The following SARDH variants were observed in gnomAD, a reference collection of about 807,000 sequenced individuals.
SARDH encodes the protein sarcosine dehydrogenase.
A neutral mutation model predicts 109.1 loss-of-function variants in SARDH; 95 were observed. The observed-to-expected ratio is 0.87, with a 90% confidence interval of 0.74 to 1.03. The LOEUF is 1.03. Ranked by LOEUF, SARDH falls within the 50% of genes least tolerant of loss-of-function variation. The pLI is 0.00. For missense variants in SARDH, 1,267 were observed against 1,287.8 expected, an observed-to-expected ratio of 0.98 and a Z score of 0.25; for synonymous variants, 572 against 534.8, an observed-to-expected ratio of 1.07 and a Z score of -0.96.
intron 8 of SARDH, 91 bp downstream of exon 8, chr9:133,717,235 A>T (rs1261985300): frequency 2.0e-6 from 3 of 1,521,298 alleles, no homozygotes; most frequent in Non-Finnish European, 2.7e-6. Context: ...CCCCTGTGTG[A>T]CACAGGCTGG....
chr9:133,660,609 C>G (rs1330278101), downstream of SARDH, among the ~76,000 whole-genome samples: 1 of 152,150 alleles, frequency 6.6e-6, no homozygotes, highest in Non-Finnish European at 1.5e-5. Flanking sequence ...GCTGTGTGAC[C>G]CTGAGTTAGT....
chr9:133,693,554 G>C lies in SARDH; in HGVS notation c.1921+704C>G, dbSNP rs1831177360. On this transcript the variant is annotated intron_variant, in intron 15 of 20. Coordinates refer to ENST00000439388, the MANE Select transcript of SARDH (RefSeq NM_001134707.2). The surrounding 1 kb of genome is among the most constrained non-coding windows in gnomAD (Gnocchi z 5.6). Reference sequence around the variant, plus strand: ...CAGGTCCCATCCCAGAGGTGGCAATGCCTCTTCCTGGAGAAAGAGAATGTT... The same window carrying C: ...CAGGTCCCATCCCAGAGGTGGCAATCCCTCTTCCTGGAGAAAGAGAATGTT... 1.3e-5 allele frequency among the ~76,000 whole-genome samples: 2 copies of C among 152,236 alleles called. No individual in the cohort carries two copies. The highest frequency in any genetic ancestry group is 4.8e-5 in the African/African-American group (2 of 41,458).
At chr9:133,695,599 C>T (rs1377458960) in intron 14 of SARDH, among the ~76,000 whole-genome samples, 2 of 152,102 alleles carry the variant, frequency 1.3e-5, no homozygotes, top group Non-Finnish European at 2.9e-5. Context: ...GTGTCAGGTA[C>T]AGACACCCTC....
At chr9:133,668,150 C>T (rs1482099121) in intron 19 of SARDH, among the ~76,000 whole-genome samples, 4 of 151,768 alleles carry the variant, frequency 2.6e-5, no homozygotes, top group Middle Eastern at 3.2e-3. Flanking sequence ...GACCTGTCTG[C>T]AAGGGGCCCC....
rs934774028 is a variant in SARDH, at chr9:133,671,629, G to A, written c.2232C>T (p.Cys744=). The change falls in exon 18 of 21, where the codon TGC becomes TGT. Residue 744 remains cysteine (C), a synonymous_variant. Transcript: ENST00000439388. ...GWELHIPKAS[C]VPVYRAVMAA... is the part of the protein sequence containing the mutation. ...CCATCACAGCCCGGTACACAGGCAC[G>A]CAGGACGCCTTTGGAATGTGCAGCT... 31 of 1,600,098 alleles carry A rather than the reference G, an allele frequency of 1.9e-5. No homozygotes were observed. Among genetic ancestry groups the A allele is most frequent in the Non-Finnish European group, 2.5e-5 (29 of 1,173,936 alleles).
intron 6 of SARDH, among the ~76,000 whole-genome samples, chr9:133,727,738 G>A (rs931778125): frequency 6.6e-6 from 1 of 152,174 alleles, no homozygotes; most frequent in Non-Finnish European, 1.5e-5. Flanking sequence ...CCAGAGGCAC[G>A]CTGGGATCTG....
chr9:133,736,991 C>A (rs1832906615), intron 1 of SARDH, among the ~76,000 whole-genome samples: 1 of 152,250 alleles, frequency 6.6e-6, no homozygotes, highest in Admixed American at 6.5e-5. Flanking sequence ...GTCTCTACTT[C>A]ACAGCGGGGG....
chr9:133,661,876 T>A (rs371522663), downstream of SARDH, among the ~76,000 whole-genome samples: 45 of 152,192 alleles, frequency 3.0e-4, no homozygotes, highest in African/African-American at 1.0e-3. Flanking sequence ...AGAAAAAAAA[T>A]TTAAAAATAG....
Position 133,685,192 on chromosome 9 carries a change from C to T in SARDH, c.2163+1G>A, listed in dbSNP as rs1371528036. Reference sequence around the variant, plus strand: ...AGAGGACGTGGCCAGCTGGAACCTACCAGGTGCCCTGCGGCTCTCAGTAGC... The same window carrying T: ...AGAGGACGTGGCCAGCTGGAACCTATCAGGTGCCCTGCGGCTCTCAGTAGC... On this transcript the variant is annotated splice_donor_variant, in intron 17 of 20. Coordinates refer to ENST00000439388, the MANE Select transcript of SARDH (RefSeq NM_001134707.2). LOFTEE classifies it high-confidence loss of function. 1.9e-6 allele frequency: 3 copies of T among 1,613,628 alleles called. No homozygotes were observed. The highest frequency in any genetic ancestry group is 2.2e-5 in the East Asian group (1 of 44,864).
intron 19 of SARDH, among the ~76,000 whole-genome samples, chr9:133,669,490 G>A (rs180686390): frequency 9.6e-4 from 146 of 151,448 alleles, no homozygotes; most frequent in African/African-American, 3.3e-3. Flanking sequence ...ACCCCCGTGG[G>A]CACCACGGGA....
intron 17 of SARDH, among the ~76,000 whole-genome samples, chr9:133,673,268 G>A (rs1830412156): frequency 6.6e-6 from 1 of 152,386 alleles, no homozygotes; most frequent in Non-Finnish European, 1.5e-5. Context: ...CCCAGTAACT[G>A]GAGTCTGCGT....
chr9:133,663,850 T>TGGATGGACAGCATG lies in SARDH; in HGVS notation c.*25_*38dup. ...CAGGGCCATTTGGGACCTGTGAGAATGGATGGACAGCATGGGATGGGGCAT... is the reference window on the plus strand; with the variant it reads ...CAGGGCCATTTGGGACCTGTGAGAATGGATGGACAGCATGGGATGGACAGCATGGGATGGGGCAT... On this transcript the variant is annotated 3_prime_UTR_variant, in exon 21 of 21. Coordinates refer to ENST00000439388, the MANE Select transcript of SARDH (RefSeq NM_001134707.2). 6.2e-7 allele frequency: 1 copy of TGGATGGACAGCATG among 1,611,202 alleles called. No individual in the cohort carries two copies. Among genetic ancestry groups the TGGATGGACAGCATG allele is most frequent in the Non-Finnish European group, 8.5e-7 (1 of 1,178,442 alleles).
intron 17 of SARDH, among the ~76,000 whole-genome samples, chr9:133,678,975 C>T (rs1830606009): frequency 6.6e-6 from 1 of 152,210 alleles, no homozygotes; most frequent in South Asian, 2.1e-4. Flanking sequence ...CCTGAAGTCT[C>T]CAAGGCCCCC....
chr9:133,700,126 A>G (rs1212748066), intron 13 of SARDH, among the ~76,000 whole-genome samples: 2 of 152,226 alleles, frequency 1.3e-5, no homozygotes, highest in African/African-American at 4.8e-5. Flanking sequence ...CAGGAGTTCA[A>G]GACCAGCCTG....
chr9:133,732,379 C>G, intron 3 of SARDH, 44 bp downstream of exon 3: 1 of 711,564 alleles, frequency 1.4e-6, no homozygotes, highest in Non-Finnish European at 2.3e-6. Flanking sequence ...AGTGCACCCA[C>G]CCACCCAAGC....
At chr9:133,679,505 C>T (rs868684186) in intron 17 of SARDH, among the ~76,000 whole-genome samples, 5 of 152,262 alleles carry the variant, frequency 3.3e-5, no homozygotes, top group Non-Finnish European at 7.3e-5. Context: ...CCCAGCCCAG[C>T]ATGCTGCTTC....
In SARDH at chr9:133,664,843, G is replaced by GC. The variant is rs571498497; in HGVS notation, c.2632-830dup. On this transcript the variant is annotated intron_variant, in intron 20 of 20. Transcript: ENST00000439388. ...CCTGCAGGGCTGAGAGCTCTGAGCT[G>GC]CCCCCCGCAGGCAGGCAGCATGGAG... Among the ~76,000 whole-genome samples, 11 of 152,302 alleles carry GC rather than the reference G, an allele frequency of 7.2e-5. No homozygotes were observed. In the South Asian group the frequency reaches 1.9e-3, roughly 26 times the overall value.
At chr9:133,736,246 G>GC (rs1832880346) in intron 1 of SARDH, among the ~76,000 whole-genome samples, 2 of 152,332 alleles carry the variant, frequency 1.3e-5, no homozygotes, top group South Asian at 4.1e-4. Flanking sequence ...CTCAGGAGCA[G>GC]CCCCCCGCCT....
At chr9:133,721,437 G>A (rs574860282) in intron 6 of SARDH, among the ~76,000 whole-genome samples, 212 of 152,316 alleles carry the variant, frequency 1.4e-3, no homozygotes, top group Middle Eastern at 6.8e-3. Context: ...TACTTCTCTC[G>A]TACTCCTTTG....
Sources: gnomAD v4.1 joint callset for allele counts (sites outside exome capture counted in the v4.1 genomes callset) on GRCh38, gnomAD v4.1.1 for gene constraint, Gnocchi (gnomAD v3.1) non-coding constraint, MANE v1.5 for transcripts, NCBI Gene and HGNC (gene_info 2026-07-23, HGNC 2026-07-21) for gene names.